Variants in SCYL3 observed in about 807,000 individuals in gnomAD.
The protein encoded by SCYL3 is SCY1 like pseudokinase 3, also known as protein-associating with the carboxyl-terminal domain of ezrin.
A neutral mutation model predicts 73.8 loss-of-function variants in SCYL3; 35 were observed. The observed-to-expected ratio is 0.47, with a 90% CI of 0.36 to 0.63. SCYL3 has a LOEUF of 0.63. SCYL3 is among the 20% of genes least tolerant of loss of function. The pLI, the probability that SCYL3 is intolerant of heterozygous loss-of-function variation, is 0.00. For synonymous variants in SCYL3, 277 were observed against 295.2 expected (o/e 0.94, Z 0.63); for missense variants, 712 against 798.9 (o/e 0.89, Z 1.31).
In SCYL3 at chr1:169,888,730, A is replaced by G; in HGVS notation, c.111T>C (p.Ala37=). ...TTTCTCTCTTATACACAAAAACTGA[A>G]GCAAATTTGCCATCTTGCAGTACAG... ...YPAVLQDGKF[A]SVFVYKRENE... is the part of the protein sequence containing the mutation. Residue 37 remains alanine (A), a synonymous_variant, in exon 2 of 13, where the codon GCT becomes GCC. Transcript: ENST00000367771. 1 of 1,614,124 alleles carries G rather than the reference A, an allele frequency of 6.2e-7. No individual in the cohort carries two copies.
At chr1:169,885,419 T>C (rs1160655734) in intron 2 of SCYL3, among the ~76,000 whole-genome samples, 4 of 152,168 alleles carry the variant, frequency 2.6e-5, no homozygotes, top group African/African-American at 9.7e-5. Flanking sequence ...GTTAACTGAC[T>C]CAGCATTACA....
chr1:169,873,947 A>C (rs1460479437), intron 4 of SCYL3, among the ~76,000 whole-genome samples, 195 bp from the exon 5 acceptor site: 1 of 152,222 alleles, frequency 6.6e-6, no homozygotes, highest in Admixed American at 6.5e-5. Context: ...GCACAGCACA[A>C]GGCACAGTAA....
chr1:169,865,799 G>A (rs1410743512), intron 8 of SCYL3, among the ~76,000 whole-genome samples: 4 of 151,942 alleles, frequency 2.6e-5, no homozygotes, highest in East Asian at 1.9e-4. Flanking sequence ...TCCTACCTTC[G>A]TGAAATTCCC....
At chr1:169,853,994 A>C (rs973165906) in intron 12 of SCYL3, 3 of 614,636 alleles carry the variant, frequency 4.9e-6, no homozygotes, top group African/African-American at 1.9e-5. Flanking sequence ...AATCCAGTAA[A>C]AATCAGTGTG....
At chr1:169,876,421 T>C (rs773561775) in intron 3 of SCYL3, among the ~76,000 whole-genome samples, 3 of 152,218 alleles carry the variant, frequency 2.0e-5, no homozygotes, top group Admixed American at 1.3e-4. Context: ...TCAGGGGATA[T>C]ACATGTTCTT....
At chr1:169,892,555 TAA>T (rs1662158194) in intron 1 of SCYL3, among the ~76,000 whole-genome samples, 1 of 152,238 alleles carries the variant, frequency 6.6e-6, no homozygotes, top group South Asian at 2.1e-4. Context: ...GCTTTGAAAT[TAA>T]AAAGTCACAA....
chr1:169,868,446 G>C (rs1229531839), intron 7 of SCYL3, among the ~76,000 whole-genome samples: 1 of 152,166 alleles, frequency 6.6e-6, no homozygotes, highest in Non-Finnish European at 1.5e-5. Flanking sequence ...AAATTATATT[G>C]TGCCCTTGCC....
At chr1:169,873,874 G>C (rs903947590) in intron 4 of SCYL3, 122 bp from the exon 5 acceptor site, 7 of 642,706 alleles carry the variant, frequency 1.1e-5, no homozygotes. Flanking sequence ...TCAAATCAAT[G>C]CCGCATATTA....
rs1553258161 is a variant in SCYL3, at chr1:169,853,289, A to ATAAT, written c.*420_*423dup. 1.1e-5 allele frequency: 4 copies of ATAAT among 358,372 alleles called. No individual in the cohort carries two copies. The highest frequency in any genetic ancestry group is 2.1e-5 in the African/African-American group (1 of 47,744). The allele number at this position is 358,372 out of a possible 1,614,324, so 22.2% of individuals were successfully genotyped here. On this transcript the variant is annotated 3_prime_UTR_variant, in exon 13 of 13. Transcript: ENST00000367771. ...ACCTCAGCAATTTAAAATCATTTAT[A>ATAAT]TAATTTATAGCTAAAATTTTTTAAA...
chr1:169,879,068 A>T (rs928164364), intron 2 of SCYL3, among the ~76,000 whole-genome samples: 1 of 152,244 alleles, frequency 6.6e-6, no homozygotes, highest in African/African-American at 2.4e-5. Flanking sequence ...TGTAAGCCTC[A>T]TAAGAGCCCA....
intron 3 of SCYL3, among the ~76,000 whole-genome samples, chr1:169,877,872 T>C (rs1660963555): frequency 6.6e-6 from 1 of 152,170 alleles, no homozygotes. Flanking sequence ...AAATCCAACA[T>C]GATATTTGGA....
Position 169,888,953 on chromosome 1 carries a change from A to C in SCYL3, c.-50-63T>G, listed in dbSNP as rs375725078. On this transcript the variant is annotated intron_variant, in intron 1 of 12. Transcript: ENST00000367771. Reference sequence around the variant, plus strand: ...CCTATCTGCAACATCAACAAGAGATATCCAGACATAGCCACCCCAAACTAC... The same window carrying C: ...CCTATCTGCAACATCAACAAGAGATCTCCAGACATAGCCACCCCAAACTAC... The C allele has an allele frequency of 1.4e-5, 13 of 923,556 alleles. No homozygotes were observed. In the African/African-American group the frequency reaches 2.0e-4, roughly 14 times the overall value. 57.2% of individuals were successfully genotyped at this position (923,556 alleles called of 1,614,324 possible).
Position 169,852,574 on chromosome 1 carries a change from T to C in SCYL3, c.*1139A>G. ...TACTTGTTGTATACCACATACAAACTAAGACACTGGTAGTAGCACTCTGAA... is the reference window on the plus strand; with the variant it reads ...TACTTGTTGTATACCACATACAAACCAAGACACTGGTAGTAGCACTCTGAA... On this transcript the variant is annotated 3_prime_UTR_variant, in exon 13 of 13. Coordinates refer to ENST00000367771, the MANE Select transcript of SCYL3 (RefSeq NM_020423.7). The C allele has an allele frequency of 1.8e-6, 1 of 568,486 alleles. No individual in the cohort carries two copies. The allele number at this position is 568,486 out of a possible 1,614,324, so 35.2% of individuals were successfully genotyped here. A position where few individuals can be genotyped will look rare whatever the true frequency, so the allele number is the denominator to read the frequency against.
chr1:169,853,355 G>T lies in SCYL3; in HGVS notation c.*358C>A. 1 of 312,864 alleles carries T rather than the reference G, an allele frequency of 3.2e-6. No individual in the cohort carries two copies. Among genetic ancestry groups the T allele is most frequent in the Non-Finnish European group, 5.8e-6 (1 of 171,468 alleles). 19.4% of individuals were successfully genotyped at this position (312,864 alleles called of 1,614,324 possible). On this transcript the variant is annotated 3_prime_UTR_variant, in exon 13 of 13. Coordinates refer to ENST00000367771, the MANE Select transcript of SCYL3 (RefSeq NM_020423.7). Reference sequence around the variant, plus strand: ...AGAGCTTACTCTTATGTTAAAGAATGGCACAAAATTAAGCTAACCAGCTTG... The same window carrying T: ...AGAGCTTACTCTTATGTTAAAGAATTGCACAAAATTAAGCTAACCAGCTTG...
At chr1:169,868,838 CA>C in intron 7 of SCYL3, 89 bp downstream of exon 7, 21 of 842,316 alleles carry the variant, frequency 2.5e-5, no homozygotes, top group Non-Finnish European at 3.5e-5. Flanking sequence ...TTTGGTCCTC[CA>C]AAAACCCCCC....
chr1:169,860,681 T>G (rs916113874), intron 10 of SCYL3, among the ~76,000 whole-genome samples: 23 of 152,336 alleles, frequency 1.5e-4, no homozygotes, highest in African/African-American at 4.8e-4. Flanking sequence ...CCACTGAATA[T>G]GATAATCATA....
Position 169,852,046 on chromosome 1 carries a change from T to A in SCYL3, c.*1667A>T, listed in dbSNP as rs766522672. The A allele has an allele frequency of 6.9e-7, 1 of 1,450,428 alleles. No homozygotes were observed. The highest frequency in any genetic ancestry group is 1.4e-5 in the African/African-American group (1 of 71,528). The allele number at this position is 1,450,428 out of a possible 1,614,324, so 89.8% of individuals were successfully genotyped here. A position where few individuals can be genotyped will look rare whatever the true frequency, so the allele number is the denominator to read the frequency against. The stretch of plus-strand genomic sequence containing the variant: ...TTCCAGCCTTATGCTGAATTTCAAA[T>A]CAAATAGATCTAGACATGTAAAATT... On this transcript the variant is annotated 3_prime_UTR_variant, in exon 13 of 13. Transcript: ENST00000367771.
chr1:169,886,126 C>T (rs978583188), intron 2 of SCYL3, among the ~76,000 whole-genome samples: 4 of 152,168 alleles, frequency 2.6e-5, no homozygotes, highest in African/African-American at 9.7e-5. Flanking sequence ...TCCTGGCCAA[C>T]ATGGTGAAAC....
rs536456777 is a variant in SCYL3 at position 169,858,953 on chromosome 1, CTGAA to C, written c.1312+84_1312+87del. On this transcript the variant is annotated intron_variant, in intron 11 of 12. Coordinates refer to ENST00000367771, the MANE Select transcript of SCYL3 (RefSeq NM_020423.7). ...ATTTATACTTCTTTATATCATTTGA[CTGAA>C]TATGACCCTCCTACATTACTTATAT... 6.5e-4 allele frequency: 726 copies of C among 1,113,738 alleles called. 5 individuals carry two copies. The African/African-American group carries it at 9.7e-3, about 15-fold the overall frequency. The allele number at this position is 1,113,738 out of a possible 1,614,324, so 69.0% of individuals were successfully genotyped here.
Sources: gnomAD v4.1 joint callset for allele counts (sites outside exome capture counted in the v4.1 genomes callset) on GRCh38, gnomAD v4.1.1 for gene constraint, MANE v1.5 for transcripts, NCBI Gene and HGNC (gene_info 2026-07-23, HGNC 2026-07-21) for gene names.